PLGRKT: variants seen among roughly 807,000 people sequenced by gnomAD.
PLGRKT encodes plasminogen receptor with a C-terminal lysine, also known as plasminogen receptor (KT).
PLGRKT carries 22 observed loss-of-function variants against 18.5 expected under a neutral mutation model. That is an observed-to-expected ratio of 1.19 (90% CI 0.85 to 1.70). The LOEUF is 1.70. PLGRKT is among the 40% of genes most tolerant of loss of function. The pLI is 0.00. For synonymous variants in PLGRKT, 72 were observed against 52.8 expected, an observed-to-expected ratio of 1.36 and a Z score of -1.58; for missense variants, 235 against 174.4, an observed-to-expected ratio of 1.35 and a Z score of -1.96.
intron 3 of PLGRKT, among the ~76,000 whole-genome samples, chr9:5,368,939 C>G (rs1265203879): frequency 6.6e-6 from 1 of 152,124 alleles, no homozygotes; most frequent in African/African-American, 2.4e-5. Flanking sequence ...TTCCTTATGC[C>G]TTACACAAAA....
At chr9:5,401,245 G>A (rs117955806) in intron 3 of PLGRKT, among the ~76,000 whole-genome samples, 1 of 151,540 alleles carries the variant, frequency 6.6e-6, no homozygotes, top group Admixed American at 6.6e-5. Context: ...GTCTATCAAA[G>A]ACATAAAGAA....
chr9:5,391,507 C>T (rs548675091), intron 3 of PLGRKT, among the ~76,000 whole-genome samples: 21 of 152,084 alleles, frequency 1.4e-4, no homozygotes, highest in South Asian at 1.2e-3. Flanking sequence ...AAGATGACAT[C>T]ACACTGGCCA....
At chr9:5,428,480 C>T (rs1160727838) in intron 3 of PLGRKT, among the ~76,000 whole-genome samples, 2 of 152,168 alleles carry the variant, frequency 1.3e-5, no homozygotes, top group Non-Finnish European at 2.9e-5. Flanking sequence ...GCAGTGGCTC[C>T]AGCAAAGGCT....
chr9:5,376,641 A>G (rs1359726322), intron 3 of PLGRKT, among the ~76,000 whole-genome samples: 1 of 152,056 alleles, frequency 6.6e-6, no homozygotes, highest in Non-Finnish European at 1.5e-5. Context: ...CTCCTTATCA[A>G]CATCATCATC....
At chr9:5,372,823 T>A (rs1353174336) in intron 3 of PLGRKT, among the ~76,000 whole-genome samples, 1 of 152,214 alleles carries the variant, frequency 6.6e-6, no homozygotes, top group African/African-American at 2.4e-5. Context: ...TAGGCAGGCA[T>A]GCTATTAGGG....
Position 5,418,418 on chromosome 9 carries a change from G to T in PLGRKT, c.81+13479C>A. On this transcript the variant is annotated intron_variant, in intron 3 of 5. Transcript: ENST00000223864. This position sits in a 1 kb window ranked among gnomAD's most constrained non-coding sequence, Gnocchi z 4.2. ...CGCTTAGAAATGCAGGACATGTTATGGAGCACGATGCTGAGGAGGAAGACC... is the reference window on the plus strand; with the variant it reads ...CGCTTAGAAATGCAGGACATGTTATTGAGCACGATGCTGAGGAGGAAGACC... 1 of 862,172 alleles carries T rather than the reference G, an allele frequency of 1.2e-6. No homozygotes were observed. The highest frequency in any genetic ancestry group is 2.0e-6 in the Non-Finnish European group (1 of 506,236). 53.4% of individuals were successfully genotyped at this position (862,172 alleles called of 1,614,324 possible).
chr9:5,412,697 A>T (rs1186932506), intron 3 of PLGRKT, among the ~76,000 whole-genome samples: 1 of 152,236 alleles, frequency 6.6e-6, no homozygotes, highest in East Asian at 1.9e-4. Context: ...AAACAAGGAT[A>T]ACTGTGGTAT....
intron 3 of PLGRKT, among the ~76,000 whole-genome samples, chr9:5,373,004 G>A (rs536148495): frequency 1.4e-4 from 21 of 152,234 alleles, no homozygotes; most frequent in Admixed American, 4.6e-4. Context: ...AAAGTTTGCC[G>A]TCTACTTGCA....
At chr9:5,367,560 C>A (rs1160408551) in intron 3 of PLGRKT, among the ~76,000 whole-genome samples, 1 of 152,078 alleles carries the variant, frequency 6.6e-6, no homozygotes, top group African/African-American at 2.4e-5. Context: ...AAAATGGACC[C>A]CTACCTATCA....
At chr9:5,404,212 A>G (rs768744536) in intron 3 of PLGRKT, among the ~76,000 whole-genome samples, 19 of 152,138 alleles carry the variant, frequency 1.2e-4, no homozygotes, top group Non-Finnish European at 2.4e-4. Flanking sequence ...AAGAGCTGGT[A>G]CCATTTCTTC....
rs1293033155 is a variant in PLGRKT, at chr9:5,412,783, A to G, written c.81+19114T>C. On this transcript the variant is annotated intron_variant, in intron 3 of 5. Transcript: ENST00000223864. ...TGGTAACTTGACCACATAAAACTAA[A>G]CTTTTTTTCATGGTGTAAAAATTTT... Among the ~76,000 whole-genome samples the G allele has an allele frequency of 3.3e-5, 5 of 152,296 alleles. No individual in the cohort carries two copies. The East Asian group carries it at 9.6e-4, about 29-fold the overall frequency.
At chr9:5,372,013 G>T (rs1291735547) in intron 3 of PLGRKT, among the ~76,000 whole-genome samples, 1 of 30,962 alleles carries the variant, frequency 3.2e-5, no homozygotes, top group Non-Finnish European at 6.2e-5. Context: ...ATGGAGTCTC[G>T]CTCTGTCTCC....
At chr9:5,404,997 G>A (rs1422662605) in intron 3 of PLGRKT, among the ~76,000 whole-genome samples, 1 of 152,058 alleles carries the variant, frequency 6.6e-6, no homozygotes, top group Non-Finnish European at 1.5e-5. Flanking sequence ...GACAAGCAGA[G>A]AGCCAAATCA....
intron 3 of PLGRKT, among the ~76,000 whole-genome samples, chr9:5,421,027 A>G (rs1357306701): frequency 6.6e-6 from 1 of 152,232 alleles, no homozygotes; most frequent in African/African-American, 2.4e-5. Context: ...AAAAACCATC[A>G]GGTCACATCA....
At chr9:5,437,931 A>C (rs752928824), upstream of PLGRKT, 2 of 152,254 alleles carry the variant, frequency 1.3e-5, no homozygotes, top group African/African-American at 2.4e-5. Context: ...ACCTCAGCCA[A>C]TTCGCGCAGC....
At chr9:5,388,905 A>T (rs940598325) in intron 3 of PLGRKT, among the ~76,000 whole-genome samples, 3 of 152,082 alleles carry the variant, frequency 2.0e-5, no homozygotes, top group Non-Finnish European at 2.9e-5. Context: ...CTAAATAAGT[A>T]TTAGGTATTT....
At chr9:5,435,199 C>A (rs1818935746) in intron 2 of PLGRKT, among the ~76,000 whole-genome samples, 1 of 152,110 alleles carries the variant, frequency 6.6e-6, no homozygotes, top group South Asian at 2.1e-4. Context: ...GCAGGGACCT[C>A]TGCCTAGGAA....
At chr9:5,424,691 T>TATATATATATATATACACACAC in intron 3 of PLGRKT, among the ~76,000 whole-genome samples, 1 of 70,498 alleles carries the variant, frequency 1.4e-5, no homozygotes, top group African/African-American at 6.1e-5. Flanking sequence ...TATATATATA[T>TATATATATATATATACACACAC]ACACACAGGG....
At chr9:5,433,647 C>T (rs1419045571) in intron 2 of PLGRKT, among the ~76,000 whole-genome samples, 11 of 137,988 alleles carry the variant, frequency 8.0e-5, no homozygotes, top group African/African-American at 3.0e-4. Flanking sequence ...TTGGCCCGGC[C>T]GCCCCGTCTG....
Sources: allele counts gnomAD v4.1 joint callset (sites outside exome capture counted in the v4.1 genomes callset), GRCh38; gene constraint gnomAD v4.1.1; non-coding constraint Gnocchi (gnomAD v3.1); transcripts MANE v1.5; gene names NCBI Gene and HGNC (gene_info 2026-07-23, HGNC 2026-07-21).